ABCC1: variants seen among roughly 807,000 people sequenced by gnomAD.
ABCC1 encodes multidrug resistance-associated protein 1.
ABCC1 carries 83 observed loss-of-function variants against 172.9 expected under a neutral mutation model. That is an observed-to-expected ratio of 0.48 (90% CI 0.40 to 0.58). ABCC1 has a LOEUF of 0.58. Among genes scored for constraint, ABCC1 ranks in the 20% least tolerant of loss-of-function variants. The probability of loss-of-function intolerance (pLI) is 0.00; values close to 1 mark genes in which losing one functional copy is unlikely to be tolerated. For synonymous variants in ABCC1, 937 were observed against 825.2 expected (o/e 1.14, Z -2.32); for missense variants, 1,817 against 2,002.7 (o/e 0.91, Z 1.77).
chr16:16,053,263 G>C (rs1596427481), intron 11 of ABCC1, among the ~76,000 whole-genome samples: 1 of 151,930 alleles, frequency 6.6e-6, no homozygotes, highest in East Asian at 1.9e-4. Context: ...TAGGATACAT[G>C]CTGTTAATCT....
chr16:16,122,273 G>A (rs2045202906), intron 24 of ABCC1, 99 bp downstream of exon 24: 3 of 1,325,724 alleles, frequency 2.3e-6, no homozygotes, highest in Non-Finnish European at 3.2e-6. Context: ...TGGGTATAAA[G>A]CCAAACCCCG....
At chr16:15,978,757 A>G (rs1386396432) in intron 1 of ABCC1, among the ~76,000 whole-genome samples, 2 of 152,078 alleles carry the variant, frequency 1.3e-5, no homozygotes, top group East Asian at 1.9e-4. Flanking sequence ...GTGGATCTCA[A>G]TGGGGAGTGA....
chr16:16,060,841 G>A (rs2049878384), intron 12 of ABCC1, among the ~76,000 whole-genome samples: 1 of 151,562 alleles, frequency 6.6e-6, no homozygotes, highest in African/African-American at 2.4e-5. Flanking sequence ...TTTTTGAGAA[G>A]GAGTCTTGCT....
rs1160588963 is a variant in ABCC1 at position 16,009,856 on chromosome 16, G to A, written c.306G>A (p.Leu102=). 6.2e-7 allele frequency: 1 copy of A among 1,611,378 alleles called. No homozygotes were observed. Among genetic ancestry groups the A allele is most frequent in the Non-Finnish European group, 8.5e-7 (1 of 1,179,026 alleles). Residue 102 remains leucine (L), a synonymous_variant, in exon 3 of 31, where the codon CTG becomes CTA. Transcript: ENST00000399410. The stretch of plus-strand genomic sequence containing the variant: ...GGGAAAGAAGTCGGGGCATATTCCT[G>A]GCCCCAGTGTTTCTGGTCAGCCCAA... ...SFWERSRGIF[L]APVFLVSPTL...
intron 7 of ABCC1, among the ~76,000 whole-genome samples, chr16:16,040,060 TTGTTTGTATGTATGTATGTATGTA>T: frequency 7.6e-6 from 1 of 131,496 alleles, no homozygotes; most frequent in African/African-American, 2.9e-5. Context: ...GTTTGTTTGT[TTGTTTGTATGTATGTATGTATGTA>T]TGTATGTATG....
At chr16:16,089,245 T>C (rs1052321058) in intron 18 of ABCC1, among the ~76,000 whole-genome samples, 2 of 152,126 alleles carry the variant, frequency 1.3e-5, no homozygotes, top group Non-Finnish European at 2.9e-5. Context: ...GGAGTTGTTT[T>C]AGAAAAAAAT....
chr16:16,079,233 G>A (rs557486294), intron 15 of ABCC1, 119 bp from the exon 16 acceptor site: 2 of 1,463,426 alleles, frequency 1.4e-6, no homozygotes, highest in East Asian at 2.3e-5. Context: ...GTTTAGTACA[G>A]TCTTGCCTTC....
At chr16:16,002,191 C>T (rs1162135738) in intron 1 of ABCC1, among the ~76,000 whole-genome samples, 1 of 152,310 alleles carries the variant, frequency 6.6e-6, no homozygotes, top group African/African-American at 2.4e-5. Context: ...GGAAACTGTT[C>T]ATGTATACTG....
At chr16:15,977,752 C>G (rs1457850869) in intron 1 of ABCC1, among the ~76,000 whole-genome samples, 1 of 152,102 alleles carries the variant, frequency 6.6e-6, no homozygotes, top group African/African-American at 2.4e-5. Context: ...CCAGCCAACC[C>G]TTCTTAGATT....
chr16:16,138,359 T>G lies in ABCC1; in HGVS notation c.4293-5T>G. 6.4e-7 allele frequency: 1 copy of G among 1,574,668 alleles called. No individual in the cohort carries two copies. ...CTATCTCCTGGTTTTTTTCTTCCGGTCAAGTGTCGGGCAGCGCCAGCTTGT... is the reference window on the plus strand; with the variant it reads ...CTATCTCCTGGTTTTTTTCTTCCGGGCAAGTGTCGGGCAGCGCCAGCTTGT... On this transcript the variant is annotated splice_polypyrimidine_tract_variant and splice_region_variant and intron_variant, in intron 29 of 30. Transcript: ENST00000399410.
chr16:16,138,477 A>G lies in ABCC1; in HGVS notation c.4406A>G (p.Gln1469Arg), dbSNP rs1472472532. ...GACCTGGAAACGGACGACCTCATCC[A>G]GTCCACCATCCGGACACAGTTCGAG... ...AVDLETDDLI[Q>R]STIRTQFEDC... The change falls in exon 30 of 31, where the codon CAG (glutamine) becomes CGG (arginine). Residue 1469 changes from glutamine (Q) to arginine (R), a missense_variant. Gln to Arg is a conservative substitution (Grantham distance 43). This residue lies in a region of ABCC1 where 1,412 missense variants were observed against 1,600.3 expected (regional missense o/e 0.88). Transcript: ENST00000399410. The G allele has an allele frequency of 1.2e-6, 2 of 1,613,416 alleles. No individual in the cohort carries two copies. Among genetic ancestry groups the G allele is most frequent in the Non-Finnish European group, 1.7e-6 (2 of 1,179,494 alleles).
chr16:15,971,637 A>C (rs1168301696), intron 1 of ABCC1, among the ~76,000 whole-genome samples: 2 of 152,156 alleles, frequency 1.3e-5, no homozygotes, highest in African/African-American at 4.8e-5. Context: ...AGGGGCGTTG[A>C]ATGGGGAACA....
intron 1 of ABCC1, among the ~76,000 whole-genome samples, chr16:15,999,024 G>A (rs1004364734): frequency 5.3e-5 from 8 of 151,802 alleles, no homozygotes; most frequent in Non-Finnish European, 1.2e-4. Context: ...TTTTTGAGAC[G>A]GAGTCTCGCT....
chr16:16,041,513 C>T (rs551379754), intron 7 of ABCC1, among the ~76,000 whole-genome samples: 5 of 152,164 alleles, frequency 3.3e-5, no homozygotes, highest in South Asian at 2.1e-4. Context: ...CATTGGTAGA[C>T]GGATCGCTTG....
intron 17 of ABCC1, among the ~76,000 whole-genome samples, chr16:16,086,453 T>TTC (rs2051009145): frequency 6.6e-6 from 1 of 152,002 alleles, no homozygotes; most frequent in African/African-American, 2.4e-5. Context: ...CTCTATGCCT[T>TTC]TCTTTCTTTC....
intron 5 of ABCC1, among the ~76,000 whole-genome samples, chr16:16,029,602 A>T (rs924135): frequency 0.54 from 82,336 of 152,102 alleles, 22,670 homozygotes; most frequent in Non-Finnish European, 0.61. Context: ...TGTTTATTTT[A>T]AATGACTTTT....
chr16:15,968,135 C>G (rs910534311), intron 1 of ABCC1, among the ~76,000 whole-genome samples: 1 of 152,156 alleles, frequency 6.6e-6, no homozygotes, highest in African/African-American at 2.4e-5. Context: ...TCAAGTGATT[C>G]TCCTGCCTCA....
At chr16:16,137,412 T>C (rs898402633) in intron 29 of ABCC1, among the ~76,000 whole-genome samples, 4 of 152,138 alleles carry the variant, frequency 2.6e-5, no homozygotes, top group African/African-American at 9.7e-5. Flanking sequence ...CAAGCCCCTA[T>C]TGCATCTAAC....
At chr16:15,990,963 A>G (rs940897769) in intron 1 of ABCC1, among the ~76,000 whole-genome samples, 1 of 151,856 alleles carries the variant, frequency 6.6e-6, no homozygotes, top group Non-Finnish European at 1.5e-5. Context: ...GCGCCCGGCC[A>G]GGATTTCTTT....
Sources: allele counts gnomAD v4.1 joint callset (sites outside exome capture counted in the v4.1 genomes callset), GRCh38; gene constraint gnomAD v4.1.1; regional missense constraint gnomAD v4.1.1; transcripts MANE v1.5; gene names NCBI Gene and HGNC (gene_info 2026-07-23, HGNC 2026-07-21).